ZHX1: variants seen among roughly 807,000 people sequenced by gnomAD.
ZHX1 encodes the protein zinc fingers and homeoboxes protein 1.
A neutral mutation model predicts 61.8 loss-of-function variants in ZHX1; 20 were observed. That is an observed-to-expected ratio of 0.32 (90% CI 0.23 to 0.47). The LOEUF (loss-of-function observed/expected upper bound fraction) is 0.47, where lower values mean the gene tolerates loss of function less well. Ranked by LOEUF, ZHX1 falls within the 20% of genes least tolerant of loss-of-function variation. The probability of loss-of-function intolerance (pLI) is 1.00; values close to 1 mark genes in which losing one functional copy is unlikely to be tolerated. For missense variants in ZHX1, 800 were observed against 1,034.8 expected, an observed-to-expected ratio of 0.77 and a Z score of 3.11; for synonymous variants, 318 against 352.6, an observed-to-expected ratio of 0.90 and a Z score of 1.10.
At position 123,253,685 on chromosome 8, in the gene ZHX1, T is replaced by TCCTCTTCCCCGTCCTTTGGGTCTC. The variant is rs1825981280; in HGVS notation, c.2238_2261dup (p.Lys749_Pro756dup). The TCCTCTTCCCCGTCCTTTGGGTCTC allele has an allele frequency of 6.2e-7, 1 of 1,614,096 alleles. No individual in the cohort carries two copies. The highest frequency in any genetic ancestry group is 2.2e-5 in the East Asian group (1 of 44,900). On this transcript the variant is annotated inframe_insertion, in exon 3 of 4. Transcript: ENST00000395571. ...TTCCTCTAGGCCGCCCACGCGGTCT[T>TCCTCTTCCCCGTCCTTTGGGTCTC]CCTCTTCCCCGTCCTTTGGGTCTCC...
chr8:123,268,762 G>A (rs1253936654), intron 1 of ZHX1, among the ~76,000 whole-genome samples: 1 of 152,198 alleles, frequency 6.6e-6, no homozygotes, highest in Non-Finnish European at 1.5e-5. Context: ...AAAGTGCTGG[G>A]ATTACAGGCA....
chr8:123,270,785 CAAA>C (rs57900168), intron 1 of ZHX1, among the ~76,000 whole-genome samples: 3 of 58,002 alleles, frequency 5.2e-5, no homozygotes, highest in Admixed American at 2.0e-4. Context: ...GACCCCGTCT[CAAA>C]AAAAAAAAAA....
chr8:123,270,411 ATT>A (rs1826608219), intron 1 of ZHX1, among the ~76,000 whole-genome samples: 1 of 152,134 alleles, frequency 6.6e-6, no homozygotes, highest in South Asian at 2.1e-4. Flanking sequence ...CGATATTTTA[ATT>A]TTGTTAAGAT....
Position 123,254,177 on chromosome 8 carries a change from G to A in ZHX1, c.1770C>T (p.Ser590=). ...LRVLQASFLN[S]SVLTDEELNR... is the part of the protein sequence containing the mutation. ...TTAATTCTTCATCTGTAAGTACAGA[G>A]CTGTTGAGAAAACTTGCCTGAAGGA... Residue 590 remains serine, a synonymous_variant, in exon 3 of 4, where the codon AGC becomes AGT. Transcript: ENST00000395571. The surrounding 1 kb of genome is among the most constrained non-coding windows in gnomAD (Gnocchi z 4.1). 4 of 1,614,144 alleles carry A rather than the reference G, an allele frequency of 2.5e-6. No individual in the cohort carries two copies. The highest frequency in any genetic ancestry group is 3.4e-6 in the Non-Finnish European group (4 of 1,180,016).
Position 123,255,116 on chromosome 8 carries a change from G to A in ZHX1, c.831C>T (p.Pro277=). 2 of 1,614,148 alleles carry A rather than the reference G, an allele frequency of 1.2e-6. No individual in the cohort carries two copies. Among genetic ancestry groups the A allele is most frequent in the Non-Finnish European group, 8.5e-7 (1 of 1,180,018 alleles). The change falls in exon 3 of 4, where the codon CCC becomes CCT. Residue 277 remains proline, a synonymous_variant. Coordinates refer to ENST00000395571, the MANE Select transcript of ZHX1 (RefSeq NM_007222.5). ...TGCTATTAACAGGGATTAAGACTTT[G>A]GGAATCAAATTAGAATTCTGCTGAG... ...VSAQQNSNLI[P]KVLIPVNSIP...
chr8:123,255,203 G>A lies in ZHX1; in HGVS notation c.744C>T (p.Ser248=), dbSNP rs114693107. 1.5e-3 allele frequency: 2,370 copies of A among 1,614,114 alleles called. 25 individuals are homozygous for A. The African/African-American group carries it at 0.028, about 19-fold the overall frequency. The change falls in exon 3 of 4, where the codon AGC becomes AGT. Residue 248 remains serine (S), a synonymous_variant. Coordinates refer to ENST00000395571, the MANE Select transcript of ZHX1 (RefSeq NM_007222.5). ...IVNRIHPSTA[S]TVVTPAAVLP... ...GAACTGCTGCTGGTGTCACTACCGT[G>A]CTGGCAGTACTTGGATGTATTCTGT...
chr8:123,271,683 T>G (rs1039480856), intron 1 of ZHX1, among the ~76,000 whole-genome samples: 1 of 152,064 alleles, frequency 6.6e-6, no homozygotes, highest in Non-Finnish European at 1.5e-5. Flanking sequence ...CATCTTAATA[T>G]AAAATATAAT....
Position 123,258,255 on chromosome 8 carries a change from C to G in ZHX1, c.-225-2084G>C, listed in dbSNP as rs186705245. On this transcript the variant is annotated intron_variant, in intron 2 of 3. Transcript: ENST00000395571. ...ACCTCCCCACTGTCTCTCTTGCTTC[C>G]TTTCTTGCCATGTGATCTCTGCCCA... Among the ~76,000 whole-genome samples, 3 of 152,168 alleles carry G rather than the reference C, an allele frequency of 2.0e-5. No homozygotes were observed. In the East Asian group the frequency reaches 5.8e-4, roughly 29 times the overall value.
chr8:123,274,748 GTCT>G (rs1213953420), upstream of ZHX1, among the ~76,000 whole-genome samples: 1 of 152,156 alleles, frequency 6.6e-6, no homozygotes, highest in Non-Finnish European at 1.5e-5. Flanking sequence ...CTGAAGCCTG[GTCT>G]TCTCTCGGGT....
intron 2 of ZHX1, among the ~76,000 whole-genome samples, chr8:123,262,019 T>C (rs1826287971): frequency 6.6e-6 from 1 of 152,142 alleles, no homozygotes; most frequent in African/African-American, 2.4e-5. Context: ...GAAGGTCAAC[T>C]AAAAATAGGG....
In ZHX1 at chr8:123,274,272, C is replaced by A. The variant is rs1826767942; in HGVS notation, c.-395G>T. On this transcript the variant is annotated 5_prime_UTR_variant, in exon 1 of 4. Transcript: ENST00000395571. ...CGCCGCCGCCATCTTGCATTTCAAACCGGCTGCACTTTTCAGGGAGTCAAC... is the reference window on the plus strand; with the variant it reads ...CGCCGCCGCCATCTTGCATTTCAAAACGGCTGCACTTTTCAGGGAGTCAAC... The A allele has an allele frequency of 6.5e-6, 1 of 152,798 alleles. No homozygotes were observed. Among genetic ancestry groups the A allele is most frequent in the Admixed American group, 6.5e-5 (1 of 15,296 alleles). The allele number at this position is 152,798 out of a possible 1,614,324, so 9.5% of individuals were successfully genotyped here. A position where few individuals can be genotyped will look rare whatever the true frequency, so the allele number is the denominator to read the frequency against.
Position 123,248,700 on chromosome 8 carries a change from A to C in ZHX1, c.*1624T>G, listed in dbSNP as rs1825837189. 1.3e-5 allele frequency: 2 copies of C among 152,618 alleles called. No individual in the cohort carries two copies. Among genetic ancestry groups the C allele is most frequent in the Admixed American group, 1.3e-4 (2 of 15,280 alleles). The allele number at this position is 152,618 out of a possible 1,614,324, so 9.5% of individuals were successfully genotyped here. ...ATACTTGACATTTCAAATTTTGAGA[A>C]CATTAAAATTATTGTCAAACAAAAC... On this transcript the variant is annotated 3_prime_UTR_variant, in exon 4 of 4. Coordinates refer to ENST00000395571, the MANE Select transcript of ZHX1 (RefSeq NM_007222.5).
At chr8:123,268,381 T>C (rs759182434) in intron 1 of ZHX1, among the ~76,000 whole-genome samples, 1 of 152,236 alleles carries the variant, frequency 6.6e-6, no homozygotes, top group South Asian at 2.1e-4. Context: ...AAATATGTTG[T>C]TGTATATAAT....
intron 2 of ZHX1, among the ~76,000 whole-genome samples, chr8:123,265,345 T>C (rs925903738): frequency 6.6e-6 from 1 of 152,106 alleles, no homozygotes; most frequent in African/African-American, 2.4e-5. Flanking sequence ...CCGAGAATGT[T>C]TGGGACTCTG....
intron 1 of ZHX1, 91 bp downstream of exon 1, chr8:123,274,126 C>G (rs1013556816): frequency 6.5e-6 from 1 of 152,892 alleles, no homozygotes; most frequent in Non-Finnish European, 1.5e-5. Context: ...ACTCGCCTTT[C>G]CCGTGCCGGC....
chr8:123,253,453 A>G lies in ZHX1; in HGVS notation c.2494T>C (p.Phe832Leu), dbSNP rs2131188226. 2 of 1,614,104 alleles carry G rather than the reference A, an allele frequency of 1.2e-6. No homozygotes were observed. The highest frequency in any genetic ancestry group is 1.7e-5 in the Admixed American group (1 of 60,012). Reference sequence around the variant, plus strand: ...TCATCTTCCTCCTCATTTTCCTCAAATAATTCTATACCTAATTCTGATCTT... The same window carrying G: ...TCATCTTCCTCCTCATTTTCCTCAAGTAATTCTATACCTAATTCTGATCTT... ...QRRSELGIEL[F>L]EENEEEDEVI... Residue 832 changes from phenylalanine (F) to leucine (L), a missense_variant, in exon 3 of 4, where the codon TTT becomes CTT. By Grantham distance (22) the Phe-to-Leu change is conservative. Coordinates refer to ENST00000395571, the MANE Select transcript of ZHX1 (RefSeq NM_007222.5).
At chr8:123,256,911 C>CATTATT (rs201407934) in intron 2 of ZHX1, 5 of 151,524 alleles carry the variant, frequency 3.3e-5, no homozygotes, top group South Asian at 2.1e-4. Flanking sequence ...GTTTCAGAAA[C>CATTATT]ATTATTATTA....
At chr8:123,270,094 G>T (rs1225059933) in intron 1 of ZHX1, among the ~76,000 whole-genome samples, 2 of 152,220 alleles carry the variant, frequency 1.3e-5, no homozygotes, top group South Asian at 2.1e-4. Context: ...TAGTAACGAG[G>T]AGAAATTGTT....
Position 123,253,386 on chromosome 8 carries a change from T to A in ZHX1, c.2561A>T (p.Asp854Val). ...DQEEDEEETDDSDTWEPPRHV... is the reference protein window; with the variant it reads ...DQEEDEEETDVSDTWEPPRHV... ...TCGTGGAGGTTCCCAAGTGTCACTA[T>A]CATCTGTTTCTTCTTCATCCTCTTC... is the stretch of plus-strand genomic sequence containing the variant. The change falls in exon 3 of 4, where the codon GAT becomes GTT. Residue 854 changes from aspartate (D) to valine (V), a missense_variant. Physicochemically the swap from Asp to Val is radical, Grantham distance 152. Coordinates refer to ENST00000395571, the MANE Select transcript of ZHX1 (RefSeq NM_007222.5). The A allele has an allele frequency of 6.2e-7, 1 of 1,613,828 alleles. No homozygotes were observed. Among genetic ancestry groups the A allele is most frequent in the Non-Finnish European group, 8.5e-7 (1 of 1,179,982 alleles).
Sources: gnomAD v4.1 joint callset for allele counts (sites outside exome capture counted in the v4.1 genomes callset) on GRCh38, gnomAD v4.1.1 for gene constraint, Gnocchi (gnomAD v3.1) non-coding constraint, MANE v1.5 for transcripts, NCBI Gene and HGNC (gene_info 2026-07-23, HGNC 2026-07-21) for gene names.